Variants in ADK observed in about 807,000 individuals in gnomAD.
The protein encoded by ADK is adenosine kinase, also known as N6,N6-dimethyladenosine kinase.
ADK carries 24 observed loss-of-function variants against 44.7 expected under a neutral mutation model. The observed-to-expected ratio is 0.54, with a 90% CI of 0.39 to 0.76. The LOEUF is 0.76. Among genes scored for constraint, ADK ranks in the 30% least tolerant of loss-of-function variants. The pLI is 0.00. For missense variants in ADK, 321 were observed against 425.1 expected, an observed-to-expected ratio of 0.76 and a Z score of 2.15; for synonymous variants, 128 against 142.6, an observed-to-expected ratio of 0.90 and a Z score of 0.73.
chr10:74,584,204 C>T (rs1851458516), intron 7 of ADK, among the ~76,000 whole-genome samples: 1 of 152,182 alleles, frequency 6.6e-6, no homozygotes, highest in Middle Eastern at 3.2e-3. Flanking sequence ...TTAAAGTACT[C>T]TAGGTGCTCT....
intron 3 of ADK, among the ~76,000 whole-genome samples, chr10:74,289,340 C>T (rs1031583857): frequency 2.6e-5 from 4 of 152,126 alleles, no homozygotes; most frequent in African/African-American, 9.7e-5. Flanking sequence ...AGCCACCGTA[C>T]CTGGCTGAAG....
chr10:74,440,480 C>T (rs1845363205), intron 6 of ADK, among the ~76,000 whole-genome samples: 1 of 152,094 alleles, frequency 6.6e-6, no homozygotes. Context: ...AAAGATTCCA[C>T]TGAATGCTTA....
intron 7 of ADK, among the ~76,000 whole-genome samples, chr10:74,577,638 A>T (rs951348957): frequency 2.0e-5 from 3 of 151,108 alleles, no homozygotes; most frequent in African/African-American, 7.3e-5. Flanking sequence ...TTGTTACATT[A>T]AAAAAAAATT....
At chr10:74,546,133 G>A (rs1326446367) in intron 7 of ADK, among the ~76,000 whole-genome samples, 1 of 152,150 alleles carries the variant, frequency 6.6e-6, no homozygotes, top group Non-Finnish European at 1.5e-5. Context: ...GTGGAACCTA[G>A]AAATATACCA....
At chr10:74,374,971 G>T (rs1156490598) in intron 4 of ADK, among the ~76,000 whole-genome samples, 1 of 152,022 alleles carries the variant, frequency 6.6e-6, no homozygotes, top group Non-Finnish European at 1.5e-5. Flanking sequence ...GTAGAGCTAT[G>T]AACTTCTCAT....
intron 6 of ADK, among the ~76,000 whole-genome samples, chr10:74,422,469 T>C (rs1844592828): frequency 2.0e-5 from 3 of 152,220 alleles, no homozygotes; most frequent in African/African-American, 7.2e-5. Context: ...AAGTCTTGAC[T>C]TTAGTCAATA....
At chr10:74,598,294 C>A (rs1851992868) in intron 8 of ADK, among the ~76,000 whole-genome samples, 1 of 150,332 alleles carries the variant, frequency 6.7e-6, no homozygotes, top group South Asian at 2.1e-4. Context: ...ATGTTTTGTA[C>A]TTGGAAAGTT....
At chr10:74,618,087 C>A (rs1235922082) in intron 9 of ADK, among the ~76,000 whole-genome samples, 3 of 144,134 alleles carry the variant, frequency 2.1e-5, no homozygotes, top group Non-Finnish European at 1.5e-5. Flanking sequence ...TTATTTTCAA[C>A]CTTTCTGTGT....
In ADK at chr10:74,209,650, T is replaced by C. The variant is rs372917253; in HGVS notation, c.140+8812T>C. On this transcript the variant is annotated intron_variant, in intron 2 of 10. Transcript: ENST00000539909. Reference sequence around the variant, plus strand: ...TTTTTTAGAGACAAGTTTTTCTGTTTCCCAGACTGGAGTGCAGTAGCACAA... The same window carrying C: ...TTTTTTAGAGACAAGTTTTTCTGTTCCCCAGACTGGAGTGCAGTAGCACAA... Among the ~76,000 whole-genome samples the C allele has an allele frequency of 4.1e-4, 62 of 152,154 alleles. 1 individual carries two copies. The Middle Eastern group carries it at 0.01, about 25-fold the overall frequency.
At chr10:74,352,831 C>T (rs578236735) in intron 4 of ADK, among the ~76,000 whole-genome samples, 5 of 152,334 alleles carry the variant, frequency 3.3e-5, no homozygotes, top group African/African-American at 1.2e-4. Flanking sequence ...CATCATTGGT[C>T]ATTAGAGAAA....
chr10:74,658,596 C>T lies in ADK; in HGVS notation c.878-11587C>T, dbSNP rs149120760. Among the ~76,000 whole-genome samples, 9 of 152,032 alleles carry T rather than the reference C, an allele frequency of 5.9e-5. No individual in the cohort carries two copies. In the East Asian group the frequency reaches 7.7e-4, roughly 13 times the overall value. On this transcript the variant is annotated intron_variant, in intron 9 of 10. Coordinates refer to ENST00000539909, the MANE Select transcript of ADK (RefSeq NM_006721.4). ...GACTACAGGCACGCACCCCCATGCC[C>T]GGCTGGCTTTTAATTTTTTTTGTAG...
At chr10:74,656,002 C>T (rs866636109) in intron 9 of ADK, 3 of 650,784 alleles carry the variant, frequency 4.6e-6, no homozygotes, top group Middle Eastern at 2.7e-4. Context: ...ACCGCCTGCT[C>T]TTTCCTGCAG....
chr10:74,462,160 C>T (rs930002754), intron 6 of ADK, among the ~76,000 whole-genome samples: 1 of 152,028 alleles, frequency 6.6e-6, no homozygotes, highest in African/African-American at 2.4e-5. Context: ...GCACCATGTC[C>T]TAAGCAGCAG....
intron 3 of ADK, among the ~76,000 whole-genome samples, chr10:74,239,582 G>GTA (rs1224195312): frequency 2.0e-5 from 3 of 151,918 alleles, no homozygotes; most frequent in African/African-American, 7.3e-5. Flanking sequence ...GCATGGTGGT[G>GTA]TGTACCTCTG....
intron 6 of ADK, among the ~76,000 whole-genome samples, chr10:74,479,617 G>A (rs1265523307): frequency 6.6e-6 from 1 of 151,618 alleles, no homozygotes; most frequent in Non-Finnish European, 1.5e-5. Flanking sequence ...TTTTCTGTGT[G>A]ATTTATTATC....
chr10:74,209,121 T>C (rs530706773), intron 2 of ADK, among the ~76,000 whole-genome samples: 2 of 152,204 alleles, frequency 1.3e-5, no homozygotes, highest in Non-Finnish European at 2.9e-5. Context: ...TGTAGCAGTA[T>C]AAGAAGTGTG....
At chr10:74,541,526 GT>G (rs1472923795) in intron 7 of ADK, among the ~76,000 whole-genome samples, 1 of 151,926 alleles carries the variant, frequency 6.6e-6, no homozygotes, top group African/African-American at 2.4e-5. Context: ...GTCCTGACTG[GT>G]TTTTTGTAGA....
chr10:74,203,628 G>A (rs547012441), intron 2 of ADK, among the ~76,000 whole-genome samples: 101 of 152,098 alleles, frequency 6.6e-4, no homozygotes, highest in African/African-American at 2.1e-3. Flanking sequence ...TCCCACCTTG[G>A]CCTCCCAAAG....
At chr10:74,641,242 G>A in intron 9 of ADK, among the ~76,000 whole-genome samples, 1 of 151,902 alleles carries the variant, frequency 6.6e-6, no homozygotes, top group Non-Finnish European at 1.5e-5. Context: ...TCTTGGCTAG[G>A]CATAATGGCC....
Sources: allele counts gnomAD v4.1 joint callset (sites outside exome capture counted in the v4.1 genomes callset), GRCh38; gene constraint gnomAD v4.1.1; transcripts MANE v1.5; gene names NCBI Gene and HGNC (gene_info 2026-07-23, HGNC 2026-07-21).